Variants in CYRIB observed in about 807,000 individuals in gnomAD.
CYRIB encodes CYFIP related Rac1 interactor B.
CYRIB carries 8 observed loss-of-function variants against 44.2 expected under a neutral mutation model. The ratio of observed to expected loss-of-function variants is 0.18; its 90% CI spans 0.11 to 0.33. The LOEUF (loss-of-function observed/expected upper bound fraction) is 0.33. Among genes scored for constraint, CYRIB ranks in the 10% least tolerant of loss-of-function variants. CYRIB has a pLI of 1.00. For synonymous variants in CYRIB, 131 were observed against 127.2 expected, an observed-to-expected ratio of 1.03 and a Z score of -0.20; for missense variants, 185 against 382.8, an observed-to-expected ratio of 0.48 and a Z score of 4.31.
chr8:129,947,563 G>A (rs948078583), intron 2 of CYRIB, among the ~76,000 whole-genome samples: 2 of 152,230 alleles, frequency 1.3e-5, no homozygotes, highest in South Asian at 4.1e-4. Flanking sequence ...TAAAAAAAGG[G>A]AGGACCCGAG....
At chr8:129,995,724 AACACACACACAT>A (rs879862843) in intron 1 of CYRIB, among the ~76,000 whole-genome samples, 1 of 152,302 alleles carries the variant, frequency 6.6e-6, no homozygotes, top group South Asian at 2.1e-4. Context: ...CAGATTTCTA[AACACACACACAT>A]ACACACACAC....
chr8:129,886,901 T>C (rs2062989261), intron 2 of CYRIB, among the ~76,000 whole-genome samples: 1 of 152,106 alleles, frequency 6.6e-6, no homozygotes, highest in Non-Finnish European at 1.5e-5. Flanking sequence ...CTACAATCTC[T>C]TCCACATATA....
intron 2 of CYRIB, chr8:129,970,513 G>A (rs1242653835): frequency 6.6e-6 from 1 of 150,666 alleles, no homozygotes; most frequent in Non-Finnish European, 1.5e-5. Flanking sequence ...TCCGCCTCCT[G>A]GGTTCAAGTG....
At chr8:129,905,821 T>C (rs1284746448) in intron 1 of CYRIB, among the ~76,000 whole-genome samples, 3 of 152,174 alleles carry the variant, frequency 2.0e-5, no homozygotes, top group Non-Finnish European at 2.9e-5. Flanking sequence ...GTAACTGTAT[T>C]CACCCTTAGA....
chr8:129,920,131 T>C (rs1366746408), intron 1 of CYRIB, among the ~76,000 whole-genome samples: 1 of 152,080 alleles, frequency 6.6e-6, no homozygotes, highest in Non-Finnish European at 1.5e-5. Context: ...AAAATTACTC[T>C]TTCATGGTCA....
At chr8:129,998,139 CA>C (rs1035969572) in intron 1 of CYRIB, among the ~76,000 whole-genome samples, 5 of 126,580 alleles carry the variant, frequency 4.0e-5, no homozygotes, top group Non-Finnish European at 6.6e-5. Flanking sequence ...AAAAAAAAAA[CA>C]AAAAAAACAC....
intron 2 of CYRIB, among the ~76,000 whole-genome samples, chr8:129,891,241 C>G (rs2065266176): frequency 6.6e-6 from 1 of 152,220 alleles, no homozygotes; most frequent in Admixed American, 6.5e-5. Context: ...CTATTAATAT[C>G]TAAGTTACCT....
chr8:129,889,050 C>G (rs984727459), intron 2 of CYRIB, among the ~76,000 whole-genome samples: 1 of 152,052 alleles, frequency 6.6e-6, no homozygotes, highest in Non-Finnish European at 1.5e-5. Flanking sequence ...CAAGATCGCA[C>G]CACTGCACTC....
intron 2 of CYRIB, among the ~76,000 whole-genome samples, chr8:129,947,065 T>A (rs1211386437): frequency 8.6e-6 from 1 of 116,512 alleles, no homozygotes; most frequent in Non-Finnish European, 1.9e-5. Context: ...TATTTATTTA[T>A]TTTTTTTTTT....
intron 2 of CYRIB, among the ~76,000 whole-genome samples, chr8:129,962,378 G>A (rs2095301368): frequency 6.6e-6 from 1 of 152,158 alleles, no homozygotes; most frequent in African/African-American, 2.4e-5. Flanking sequence ...GGGAGACTGA[G>A]GCTGCAGTAA....
chr8:129,887,924 T>A (rs1469763295), intron 2 of CYRIB, among the ~76,000 whole-genome samples: 6 of 152,238 alleles, frequency 3.9e-5, no homozygotes, highest in Non-Finnish European at 7.3e-5. Flanking sequence ...GGGACTTGTC[T>A]CATCTCAGGT....
At chr8:129,898,094 G>GTTTT (rs34731759) in intron 2 of CYRIB, among the ~76,000 whole-genome samples, 1 of 146,746 alleles carries the variant, frequency 6.8e-6, no homozygotes, top group Non-Finnish European at 1.5e-5. Context: ...AAGTTTTTTT[G>GTTTT]TTTTTTTTTT....
chr8:129,865,842 G>C (rs1233699733), intron 4 of CYRIB, among the ~76,000 whole-genome samples: 2 of 152,172 alleles, frequency 1.3e-5, no homozygotes, highest in African/African-American at 4.8e-5. Context: ...AAGCCAGTAA[G>C]CTTTAGATAA....
At chr8:129,887,178 C>T (rs1307429687) in intron 2 of CYRIB, among the ~76,000 whole-genome samples, 1 of 152,132 alleles carries the variant, frequency 6.6e-6, no homozygotes, top group Non-Finnish European at 1.5e-5. Context: ...GGCCCAGGGC[C>T]TGGCTGCCCT....
intron 1 of CYRIB, among the ~76,000 whole-genome samples, chr8:129,920,755 G>C (rs2083136449): frequency 6.6e-6 from 1 of 152,098 alleles, no homozygotes; most frequent in Non-Finnish European, 1.5e-5. Flanking sequence ...ACAAAAACCT[G>C]TACAGTTTAG....
intron 1 of CYRIB, among the ~76,000 whole-genome samples, chr8:130,006,607 C>CACACATATATATGTGTGTATAT (rs1359122569): frequency 5.6e-4 from 4 of 7,120 alleles, no homozygotes; most frequent in Admixed American, 2.6e-3. Flanking sequence ...TATATATATA[C>CACACATATATATGTGTGTATAT]ATATATATGT....
intron 1 of CYRIB, among the ~76,000 whole-genome samples, chr8:129,979,971 AC>A (rs1591645846): frequency 6.6e-6 from 1 of 151,998 alleles, no homozygotes; most frequent in Non-Finnish European, 1.5e-5. Context: ...AAACTCATAA[AC>A]CCTTAAACAT....
At chr8:130,016,768 C>T (rs2097357622), upstream of CYRIB, 2 of 150,856 alleles carry the variant, frequency 1.3e-5, no homozygotes, top group Non-Finnish European at 3.0e-5. Flanking sequence ...GAACCCCGCG[C>T]CCGCCTGGCC....
chr8:129,902,159 C>T (rs2072500954), intron 2 of CYRIB, among the ~76,000 whole-genome samples: 1 of 152,280 alleles, frequency 6.6e-6, no homozygotes, highest in South Asian at 2.1e-4. Context: ...GAAGGACTGT[C>T]ATAGAAGTAA....
Sources: gnomAD v4.1 joint callset for allele counts (sites outside exome capture counted in the v4.1 genomes callset) on GRCh38, gnomAD v4.1.1 for gene constraint, MANE v1.5 for transcripts, NCBI Gene and HGNC (gene_info 2026-07-23, HGNC 2026-07-21) for gene names.